Variants in WIF1 observed in about 807,000 individuals in gnomAD.
WIF1 encodes Wnt inhibitory factor 1.
A neutral mutation model predicts 53.5 loss-of-function variants in WIF1; 35 were observed. The ratio of observed to expected loss-of-function variants is 0.65; its 90% CI spans 0.50 to 0.87. WIF1 has a LOEUF of 0.87. Among genes scored for constraint, WIF1 ranks in the 40% least tolerant of loss-of-function variants. WIF1 has a pLI of 0.00. For missense variants in WIF1, 467 were observed against 476.8 expected, an observed-to-expected ratio of 0.98 and a Z score of 0.19; for synonymous variants, 171 against 170.4, an observed-to-expected ratio of 1.00 and a Z score of -0.03.
intron 3 of WIF1, among the ~76,000 whole-genome samples, chr12:65,070,549 C>T (rs1882757488): frequency 6.6e-6 from 1 of 152,116 alleles, no homozygotes; most frequent in Non-Finnish European, 1.5e-5. Context: ...TCTTATGACT[C>T]TTTTACATGG....
intron 3 of WIF1, among the ~76,000 whole-genome samples, chr12:65,075,709 G>A (rs1375433568): frequency 6.6e-6 from 1 of 152,070 alleles, no homozygotes; most frequent in Non-Finnish European, 1.5e-5. Context: ...CTCTGGAATA[G>A]GAATTAGTAT....
chr12:65,111,502 T>C (rs1883430202), intron 2 of WIF1, among the ~76,000 whole-genome samples: 1 of 152,158 alleles, frequency 6.6e-6, no homozygotes, highest in Non-Finnish European at 1.5e-5. Flanking sequence ...ATTTCTGGTC[T>C]CTATGCCTTG....
chr12:65,055,086 C>G (rs1882502958), intron 9 of WIF1, 32 bp downstream of exon 9: 1 of 1,598,766 alleles, frequency 6.3e-7, no homozygotes, highest in African/African-American at 1.4e-5. Flanking sequence ...TATTTTTTTC[C>G]TTGTTTACAA....
chr12:65,092,763 A>G (rs566105951), intron 2 of WIF1, among the ~76,000 whole-genome samples: 11 of 152,030 alleles, frequency 7.2e-5, no homozygotes, highest in Admixed American at 1.3e-4. Flanking sequence ...ATGAGCATGC[A>G]GCTCATGGGG....
chr12:65,081,271 C>T (rs1790298431), intron 2 of WIF1, among the ~76,000 whole-genome samples: 1 of 152,144 alleles, frequency 6.6e-6, no homozygotes, highest in African/African-American at 2.4e-5. Flanking sequence ...ATTTAAATCT[C>T]TTCCATGTCT....
At chr12:65,058,698 A>G (rs1331057384) in intron 7 of WIF1, among the ~76,000 whole-genome samples, 1 of 152,190 alleles carries the variant, frequency 6.6e-6, no homozygotes, top group African/African-American at 2.4e-5. Flanking sequence ...ACCAAATTCT[A>G]CCCATTAAAT....
chr12:65,064,588 ATTT>A (rs879907067), intron 6 of WIF1, among the ~76,000 whole-genome samples: 12 of 148,430 alleles, frequency 8.1e-5, no homozygotes, highest in Admixed American at 6.0e-4. Context: ...TGAGGTAGAA[ATTT>A]TTTTTTTTTA....
intron 2 of WIF1, among the ~76,000 whole-genome samples, chr12:65,086,707 T>C (rs937999541): frequency 9.9e-5 from 15 of 150,842 alleles, no homozygotes; most frequent in East Asian, 3.9e-4. Context: ...TTCTTTCTTT[T>C]TTTTTTTTTT....
intron 2 of WIF1, among the ~76,000 whole-genome samples, chr12:65,097,019 TAAAAAA>T (rs11301288): frequency 1.5e-5 from 2 of 137,694 alleles, no homozygotes; most frequent in Non-Finnish European, 1.6e-5. Flanking sequence ...TCCTGGAACT[TAAAAAA>T]AAAAAAAAAA....
At chr12:65,055,380 A>G (rs1395068658) in intron 8 of WIF1, among the ~76,000 whole-genome samples, 167 bp from the exon 9 acceptor site, 1 of 152,190 alleles carries the variant, frequency 6.6e-6, no homozygotes, top group Non-Finnish European at 1.5e-5. Context: ...GACTTTTTGT[A>G]AAGTCCTGAG....
At chr12:65,094,900 T>TATTTA (rs1883178890) in intron 2 of WIF1, among the ~76,000 whole-genome samples, 1 of 139,782 alleles carries the variant, frequency 7.2e-6, no homozygotes, top group Non-Finnish European at 1.6e-5. Context: ...TTCCTCTTCT[T>TATTTA]CTTATTTATT....
intron 6 of WIF1, among the ~76,000 whole-genome samples, chr12:65,065,312 G>A (rs529615120): frequency 2.4e-4 from 37 of 152,180 alleles, no homozygotes; most frequent in African/African-American, 8.2e-4. Context: ...AGAGTCACTC[G>A]TGGAAGAACC....
In WIF1 at chr12:65,062,616, G is replaced by A. The variant is rs200838023; in HGVS notation, c.731-40C>T. On this transcript the variant is annotated intron_variant, in intron 6 of 9. Transcript: ENST00000286574. ...AACAGGGGTGTTGCATTAGACAGTA[G>A]GTTAAATCTAACACAAATTTCACTT... 4 of 1,545,150 alleles carry A rather than the reference G, an allele frequency of 2.6e-6. No homozygotes were observed. The East Asian group carries it at 9.1e-5, about 35-fold the overall frequency.
chr12:65,065,022 A>G (rs1592389118), intron 6 of WIF1, among the ~76,000 whole-genome samples: 1 of 152,210 alleles, frequency 6.6e-6, no homozygotes, highest in Non-Finnish European at 1.5e-5. Context: ...ATTTAGACAA[A>G]AAGATTCACA....
At chr12:65,063,248 C>T (rs1156618682) in intron 6 of WIF1, among the ~76,000 whole-genome samples, 1 of 151,414 alleles carries the variant, frequency 6.6e-6, no homozygotes, top group Non-Finnish European at 1.5e-5. Context: ...GTAGTAATCA[C>T]ACTTCGTGAT....
intron 7 of WIF1, among the ~76,000 whole-genome samples, chr12:65,060,304 C>T (rs1014893341): frequency 2.0e-5 from 3 of 152,128 alleles, no homozygotes; most frequent in Admixed American, 2.0e-4. Context: ...AAATGTCCAA[C>T]AGCTGATAAA....
chr12:65,121,034 G>T lies in WIF1; in HGVS notation c.148+10C>A. On this transcript the variant is annotated intron_variant, in intron 1 of 9. Coordinates refer to ENST00000286574, the MANE Select transcript of WIF1 (RefSeq NM_007191.5). Reference sequence around the variant, plus strand: ...TAGGCAGGGGAAGGCGCTGGAGGCGGGGGCCTTACCTATGAGTACTCTTGC... The same window carrying T: ...TAGGCAGGGGAAGGCGCTGGAGGCGTGGGCCTTACCTATGAGTACTCTTGC... The T allele has an allele frequency of 6.9e-7, 1 of 1,455,276 alleles. No individual in the cohort carries two copies. Among genetic ancestry groups the T allele is most frequent in the African/African-American group, 1.4e-5 (1 of 69,352 alleles). 90.1% of individuals were successfully genotyped at this position (1,455,276 alleles called of 1,614,324 possible).
chr12:65,083,334 A>C (rs1215642040), intron 2 of WIF1, among the ~76,000 whole-genome samples: 1 of 152,210 alleles, frequency 6.6e-6, no homozygotes, highest in East Asian at 1.9e-4. Flanking sequence ...AATGATTAAA[A>C]TAATCTGAAT....
intron 2 of WIF1, among the ~76,000 whole-genome samples, chr12:65,100,731 C>T (rs67443530): frequency 0.072 from 10,876 of 151,898 alleles, 496 homozygotes; most frequent in East Asian, 0.18. Context: ...AAATAAACCA[C>T]AGAATAGGGC....
Sources: allele counts gnomAD v4.1 joint callset (sites outside exome capture counted in the v4.1 genomes callset), GRCh38; gene constraint gnomAD v4.1.1; transcripts MANE v1.5; gene names NCBI Gene and HGNC (gene_info 2026-07-23, HGNC 2026-07-21).